Variants in ADK observed in about 807,000 individuals in gnomAD.
ADK encodes the protein adenosine kinase.
Under a neutral mutation model 44.7 loss-of-function variants are expected in ADK, and 24 were observed. That is an observed-to-expected ratio of 0.54 (90% CI 0.39 to 0.76). The LOEUF is 0.76. Ranked by LOEUF, ADK falls within the 30% of genes least tolerant of loss-of-function variation. The pLI is 0.00. For synonymous variants in ADK, 128 were observed against 142.6 expected, an observed-to-expected ratio of 0.90 and a Z score of 0.73; for missense variants, 321 against 425.1, an observed-to-expected ratio of 0.76 and a Z score of 2.15.
chr10:74,531,824 C>T (rs1849301128), intron 7 of ADK, among the ~76,000 whole-genome samples: 1 of 152,152 alleles, frequency 6.6e-6, no homozygotes. Context: ...TGAGCCACTG[C>T]ACTTGGCAGT....
chr10:74,254,677 G>GA (rs1286671434), intron 3 of ADK, among the ~76,000 whole-genome samples: 3 of 150,832 alleles, frequency 2.0e-5, no homozygotes, highest in South Asian at 2.1e-4. Context: ...AATGTAAAAA[G>GA]AAAAAAAAAT....
chr10:74,229,879 A>C (rs1468033550), intron 3 of ADK, among the ~76,000 whole-genome samples: 1 of 151,938 alleles, frequency 6.6e-6, no homozygotes, highest in Non-Finnish European at 1.5e-5. Flanking sequence ...CTCTACAAAA[A>C]GTTAACAAAA....
At chr10:74,400,904 AT>A (rs1267256820) in intron 6 of ADK, among the ~76,000 whole-genome samples, 1 of 152,172 alleles carries the variant, frequency 6.6e-6, no homozygotes, top group East Asian at 1.9e-4. Context: ...CTTCTTCTTC[AT>A]TTTCTTCACC....
At chr10:74,256,847 G>GTATT (rs1463713043) in intron 3 of ADK, among the ~76,000 whole-genome samples, 2 of 152,140 alleles carry the variant, frequency 1.3e-5, no homozygotes, top group Non-Finnish European at 2.9e-5. Context: ...TATCAAAACA[G>GTATT]TATTTTTGAA....
intron 4 of ADK, among the ~76,000 whole-genome samples, chr10:74,353,981 T>A (rs996336899): frequency 1.3e-5 from 2 of 152,246 alleles, no homozygotes; most frequent in African/African-American, 4.8e-5. Context: ...TTTAAAATGC[T>A]CTAGATCACT....
intron 6 of ADK, among the ~76,000 whole-genome samples, chr10:74,514,321 G>A (rs1455287564): frequency 6.6e-6 from 1 of 152,110 alleles, no homozygotes; most frequent in Non-Finnish European, 1.5e-5. Context: ...GAGCTTTCTC[G>A]ACTTGGATGT....
At chr10:74,486,969 G>T (rs548074937) in intron 6 of ADK, among the ~76,000 whole-genome samples, 115 of 152,086 alleles carry the variant, frequency 7.6e-4, no homozygotes, top group African/African-American at 2.5e-3. Context: ...CTTGGTAATG[G>T]TTGCCACTGG....
chr10:74,696,655 T>C (rs904871145), intron 10 of ADK, among the ~76,000 whole-genome samples: 40 of 152,080 alleles, frequency 2.6e-4, no homozygotes, highest in Non-Finnish European at 5.1e-4. Flanking sequence ...CAGGCATGAG[T>C]CACCATGCCC....
chr10:74,296,732 C>T (rs912337014), intron 3 of ADK, among the ~76,000 whole-genome samples: 6 of 151,886 alleles, frequency 4.0e-5, no homozygotes. Context: ...CTGCCTCAGC[C>T]TCCGGAGTAG....
At chr10:74,698,984 T>C (rs1410476307) in intron 10 of ADK, among the ~76,000 whole-genome samples, 1 of 151,120 alleles carries the variant, frequency 6.6e-6, no homozygotes, top group African/African-American at 2.4e-5. Context: ...GTAGCTGGGA[T>C]TGCAGGTGCA....
intron 1 of ADK, chr10:74,176,432 C>T (rs986274020): frequency 6.7e-5 from 70 of 1,048,986 alleles, no homozygotes; most frequent in Admixed American, 1.5e-4. Flanking sequence ...TTACAGGGAG[C>T]TGAGCTTGCC....
chr10:74,492,437 TA>T, intron 6 of ADK, among the ~76,000 whole-genome samples: 1 of 151,378 alleles, frequency 6.6e-6, no homozygotes, highest in Non-Finnish European at 1.5e-5. Flanking sequence ...CTCTGTCTCT[TA>T]AAAAAAAGAA....
chr10:74,469,653 C>G (rs894308912), intron 6 of ADK, among the ~76,000 whole-genome samples: 1 of 152,150 alleles, frequency 6.6e-6, no homozygotes, highest in Non-Finnish European at 1.5e-5. Context: ...CATAAGCCAC[C>G]GTGCCCAGTC....
At chr10:74,342,316 A>G (rs958752197) in intron 4 of ADK, among the ~76,000 whole-genome samples, 1 of 152,184 alleles carries the variant, frequency 6.6e-6, no homozygotes, top group African/African-American at 2.4e-5. Context: ...TGTTGCAACA[A>G]TGTTTTGTAG....
chr10:74,280,926 G>C (rs1378827162), intron 3 of ADK, among the ~76,000 whole-genome samples: 1 of 152,184 alleles, frequency 6.6e-6, no homozygotes, highest in Non-Finnish European at 1.5e-5. Context: ...AAGTTGTCTA[G>C]TGAGATACTC....
intron 3 of ADK, among the ~76,000 whole-genome samples, chr10:74,288,566 C>T (rs1325206279): frequency 6.6e-6 from 1 of 152,140 alleles, no homozygotes; most frequent in Admixed American, 6.6e-5. Flanking sequence ...AGGAGAATAG[C>T]TTGAACCCGG....
At chr10:74,689,732 G>A (rs933409819) in intron 10 of ADK, among the ~76,000 whole-genome samples, 4 of 152,204 alleles carry the variant, frequency 2.6e-5, no homozygotes, top group African/African-American at 9.6e-5. Flanking sequence ...AGAGCACTGA[G>A]CCTGGGACAT....
At chr10:74,708,122 C>A (rs1856669748) in intron 10 of ADK, among the ~76,000 whole-genome samples, 199 bp from the exon 11 acceptor site, 1 of 148,774 alleles carries the variant, frequency 6.7e-6, no homozygotes, top group South Asian at 2.1e-4. Context: ...TGTACTCCAG[C>A]CTGCGTGACA....
At chr10:74,583,915 A>C (rs1851448894) in intron 7 of ADK, among the ~76,000 whole-genome samples, 4 of 152,140 alleles carry the variant, frequency 2.6e-5, no homozygotes, top group African/African-American at 7.2e-5. Flanking sequence ...CAGCCCTCAG[A>C]TCCTCACTGG....
Sources: allele counts gnomAD v4.1 joint callset (sites outside exome capture counted in the v4.1 genomes callset), GRCh38; gene constraint gnomAD v4.1.1; transcripts MANE v1.5; gene names NCBI Gene and HGNC (gene_info 2026-07-23, HGNC 2026-07-21).